SDCCAG8: variants seen among roughly 807,000 people sequenced by gnomAD.
The protein encoded by SDCCAG8 is serologically defined colon cancer antigen 8.
SDCCAG8 carries 74 observed loss-of-function variants against 101.8 expected under a neutral mutation model. The ratio of observed to expected loss-of-function variants is 0.73; its 90% confidence interval spans 0.60 to 0.88. SDCCAG8 has a LOEUF of 0.88. SDCCAG8 is among the 40% of genes least tolerant of loss of function. The probability of loss-of-function intolerance (pLI) is 0.00; values close to 1 mark genes in which losing one functional copy is unlikely to be tolerated. For missense variants in SDCCAG8, 787 were observed against 822.6 expected, an observed-to-expected ratio of 0.96 and a Z score of 0.53; for synonymous variants, 281 against 292.9, an observed-to-expected ratio of 0.96 and a Z score of 0.41.
chr1:243,484,679 C>G (rs1478066142), intron 16 of SDCCAG8, among the ~76,000 whole-genome samples: 1 of 152,150 alleles, frequency 6.6e-6, no homozygotes, highest in South Asian at 2.1e-4. Context: ...CTCCATTGGC[C>G]GGGAACCGCC....
chr1:243,344,119 A>G (rs2075553232), intron 11 of SDCCAG8, 96 bp from the exon 12 acceptor site: 4 of 936,900 alleles, frequency 4.3e-6, no homozygotes, highest in Admixed American at 1.7e-5. Context: ...GTTGTATTTT[A>G]TCTATATGAC....
chr1:243,473,054 A>G (rs185858460), intron 16 of SDCCAG8, among the ~76,000 whole-genome samples: 3 of 125,644 alleles, frequency 2.4e-5, no homozygotes, highest in African/African-American at 9.0e-5. Flanking sequence ...GTGCTAGGAT[A>G]TTCTTACTTT....
At chr1:243,363,395 G>T (rs975538462) in intron 12 of SDCCAG8, among the ~76,000 whole-genome samples, 1 of 152,212 alleles carries the variant, frequency 6.6e-6, no homozygotes, top group Non-Finnish European at 1.5e-5. Context: ...AGGAAATCGG[G>T]CATGGATGGC....
intron 5 of SDCCAG8, among the ~76,000 whole-genome samples, chr1:243,290,129 GT>G (rs1332131355): frequency 2.0e-5 from 3 of 151,950 alleles, no homozygotes; most frequent in East Asian, 3.9e-4. Context: ...AGATCCAGGA[GT>G]TTTTTCTTAA....
intron 16 of SDCCAG8, among the ~76,000 whole-genome samples, chr1:243,446,651 T>G (rs1333299775): frequency 6.6e-6 from 1 of 152,176 alleles, no homozygotes; most frequent in African/African-American, 2.4e-5. Flanking sequence ...TGTTCCTGGC[T>G]TAAGAACATC....
At chr1:243,466,784 A>G (rs3006913) in intron 16 of SDCCAG8, among the ~76,000 whole-genome samples, 14,622 of 152,308 alleles carry the variant, frequency 0.096, 2,323 homozygotes, top group African/African-American at 0.33. Context: ...GCTCAAGTCC[A>G]GCAGGGAAAG....
At chr1:243,377,700 G>A (rs1462185387) in intron 12 of SDCCAG8, among the ~76,000 whole-genome samples, 2 of 151,890 alleles carry the variant, frequency 1.3e-5, no homozygotes, top group Non-Finnish European at 2.9e-5. Flanking sequence ...AAATTTGGAA[G>A]TTTATTTAAA....
intron 9 of SDCCAG8, among the ~76,000 whole-genome samples, chr1:243,329,153 T>A (rs1219396547): frequency 3.3e-5 from 5 of 152,210 alleles, no homozygotes; most frequent in African/African-American, 1.2e-4. Context: ...TTTCATTTAT[T>A]TTAATATCTA....
intron 12 of SDCCAG8, among the ~76,000 whole-genome samples, chr1:243,354,927 T>C (rs1395096749): frequency 1.3e-5 from 2 of 152,232 alleles, no homozygotes; most frequent in Non-Finnish European, 2.9e-5. Flanking sequence ...GAGTTCAGTA[T>C]GAGACAGACC....
At chr1:243,340,727 T>G (rs2147781063) in intron 10 of SDCCAG8, among the ~76,000 whole-genome samples, 1 of 152,352 alleles carries the variant, frequency 6.6e-6, no homozygotes, top group East Asian at 1.9e-4. Context: ...TTTATGGCAC[T>G]CTGTTTCATA....
chr1:243,303,582 C>T (rs2071767502), intron 6 of SDCCAG8, among the ~76,000 whole-genome samples: 1 of 152,118 alleles, frequency 6.6e-6, no homozygotes, highest in Non-Finnish European at 1.5e-5. Flanking sequence ...GACCCGCTTC[C>T]ATTTAATGAG....
At chr1:243,395,729 ACTG>A (rs1473777557) in intron 13 of SDCCAG8, among the ~76,000 whole-genome samples, 2 of 152,030 alleles carry the variant, frequency 1.3e-5, no homozygotes, top group Non-Finnish European at 2.9e-5. Context: ...TGTCTGAAAA[ACTG>A]CTTTGATAAA....
At chr1:243,329,803 G>A (rs1039625816) in intron 9 of SDCCAG8, among the ~76,000 whole-genome samples, 2 of 152,172 alleles carry the variant, frequency 1.3e-5, no homozygotes, top group Non-Finnish European at 2.9e-5. Flanking sequence ...TAAAGATATT[G>A]TAAAAGTGGC....
chr1:243,398,017 G>A lies in SDCCAG8; in HGVS notation c.1617-17685G>A, dbSNP rs368429877. ...TACATTACATTTCTGACAAAGAGAC[G>A]CCAATAGAGGAGGAGCTATTAAGAA... On this transcript the variant is annotated intron_variant, in intron 13 of 17. Coordinates refer to ENST00000366541, the MANE Select transcript of SDCCAG8 (RefSeq NM_006642.5). Among the ~76,000 whole-genome samples, 27 of 152,252 alleles carry A rather than the reference G, an allele frequency of 1.8e-4. No homozygotes were observed. In the East Asian group the frequency reaches 2.9e-3, roughly 16 times the overall value.
At chr1:243,398,609 C>T (rs1286546881) in intron 13 of SDCCAG8, among the ~76,000 whole-genome samples, 1 of 152,072 alleles carries the variant, frequency 6.6e-6, no homozygotes, top group Admixed American at 6.5e-5. Context: ...CCATCTCTTC[C>T]ATCATAATTA....
intron 12 of SDCCAG8, among the ~76,000 whole-genome samples, chr1:243,352,589 A>T (rs1267000358): frequency 1.3e-5 from 2 of 152,196 alleles, no homozygotes; most frequent in Non-Finnish European, 2.9e-5. Context: ...AGACAACTAC[A>T]TATGCTTTCT....
chr1:243,494,896 G>A (rs868367291), intron 17 of SDCCAG8, among the ~76,000 whole-genome samples: 3 of 152,116 alleles, frequency 2.0e-5, no homozygotes, highest in Admixed American at 6.5e-5. Context: ...CTGTAATTCC[G>A]TCACATTACA....
intron 16 of SDCCAG8, 102 bp downstream of exon 16, chr1:243,426,660 A>G (rs1490477188): frequency 2.2e-6 from 3 of 1,392,946 alleles, no homozygotes; most frequent in African/African-American, 1.4e-5. Context: ...CATCATCATT[A>G]TGCTACTTGT....
In SDCCAG8 at chr1:243,308,134, A is replaced by G. The variant is rs1007470687; in HGVS notation, c.886A>G (p.Thr296Ala). The change falls in exon 8 of 18, where the codon ACC becomes GCC. Residue 296 changes from threonine to alanine, a missense_variant. Transcript: ENST00000366541. ...TCAGCATGAAGCTGTTCTTTCCCAAACCCATACTAATGTTCATATGCAGAC... is the reference window on the plus strand; with the variant it reads ...TCAGCATGAAGCTGTTCTTTCCCAAGCCCATACTAATGTTCATATGCAGAC... Reference protein sequence around the residue: ...CAQHEAVLSQTHTNVHMQTIE... With the variant: ...CAQHEAVLSQAHTNVHMQTIE... 2 of 1,614,168 alleles carry G rather than the reference A, an allele frequency of 1.2e-6. No homozygotes were observed. The highest frequency in any genetic ancestry group is 1.7e-6 in the Non-Finnish European group (2 of 1,180,032).
Sources: gnomAD v4.1 joint callset for allele counts (sites outside exome capture counted in the v4.1 genomes callset) on GRCh38, gnomAD v4.1.1 for gene constraint, MANE v1.5 for transcripts, NCBI Gene and HGNC (gene_info 2026-07-23, HGNC 2026-07-21) for gene names.